NCAM1: variants seen among roughly 807,000 people sequenced by gnomAD.
NCAM1 encodes the protein antigen recognized by monoclonal antibody 5.1H11.
In NCAM1, 14 loss-of-function variants were observed where a neutral mutation model predicts 109.8. The ratio of observed to expected loss-of-function variants is 0.13; its 90% CI spans 0.08 to 0.20. The LOEUF is 0.20. NCAM1 is among the 10% of genes least tolerant of loss of function. The pLI, the probability that NCAM1 is intolerant of heterozygous loss-of-function variation, is 1.00. For missense variants in NCAM1, 774 were observed against 1,109.9 expected, an observed-to-expected ratio of 0.70 and a Z score of 4.30; for synonymous variants, 418 against 442.9, an observed-to-expected ratio of 0.94 and a Z score of 0.70.
intron 1 of NCAM1, among the ~76,000 whole-genome samples, chr11:113,143,626 A>G (rs1941910811): frequency 6.6e-6 from 1 of 152,232 alleles, no homozygotes; most frequent in African/African-American, 2.4e-5. Context: ...TAAATATGAT[A>G]TAAGTGACAG....
intron 15 of NCAM1, among the ~76,000 whole-genome samples, chr11:113,250,217 C>T (rs76569203): frequency 6.6e-5 from 10 of 152,288 alleles, no homozygotes; most frequent in Admixed American, 3.9e-4. Context: ...CGGGACTGTC[C>T]GAAAGTCACT....
At chr11:113,067,916 T>G (rs1938046542) in intron 1 of NCAM1, among the ~76,000 whole-genome samples, 1 of 149,726 alleles carries the variant, frequency 6.7e-6, no homozygotes, top group Admixed American at 6.7e-5. Context: ...GTTTTTTTTT[T>G]TTTTTTTTTT....
chr11:113,128,906 GGTGTGTGTGTGTGT>G (rs782123739), intron 1 of NCAM1, among the ~76,000 whole-genome samples: 14 of 84,932 alleles, frequency 1.6e-4, no homozygotes, highest in Admixed American at 7.2e-4. Flanking sequence ...AAGTTGTGAG[GGTGTGTGTGTGTGT>G]GTGTGTGTGT....
chr11:113,187,251 C>T (rs1239193305), intron 1 of NCAM1, among the ~76,000 whole-genome samples: 1 of 152,270 alleles, frequency 6.6e-6, no homozygotes, highest in Admixed American at 6.5e-5. Flanking sequence ...CAGTCTTCCT[C>T]GTGACATTAC....
At position 113,091,896 on chromosome 11, in the gene NCAM1, A is replaced by G. The variant is rs1227870156; in HGVS notation, c.53-110483A>G. On this transcript the variant is annotated intron_variant, in intron 1 of 19. Transcript: ENST00000316851. ...GAGAGTAAGATTAGAAGAGAAAGAA[A>G]CAGAGGCAAAAGGAACAAATACATC... Among the ~76,000 whole-genome samples the G allele has an allele frequency of 2.6e-5, 4 of 152,238 alleles. No homozygotes were observed. In the South Asian group the frequency reaches 8.3e-4, roughly 31 times the overall value.
At chr11:113,034,268 C>A (rs1456413848) in intron 1 of NCAM1, among the ~76,000 whole-genome samples, 1 of 148,764 alleles carries the variant, frequency 6.7e-6, no homozygotes, top group Admixed American at 6.6e-5. Flanking sequence ...TCCTTGAGGA[C>A]AATAGACTTT....
intron 8 of NCAM1, among the ~76,000 whole-genome samples, chr11:113,220,600 C>CTTTTTTTTTTTTTTGTTTTT (rs1336984958): frequency 9.8e-6 from 1 of 102,376 alleles, no homozygotes; most frequent in Non-Finnish European, 1.8e-5. Context: ...CTCTCTCTCT[C>CTTTTTTTTTTTTTTGTTTTT]TCTTTTTTTT....
rs1052571307 is a variant in NCAM1, at chr11:113,214,243, A to G, written c.917-126A>G. On this transcript the variant is annotated intron_variant, in intron 7 of 19. Transcript: ENST00000316851. ...TTGGAGAGTCAGGTCTGCATCTCCT[A>G]AAACACCTAGACTAGGGTCTTGTAC... 52 of 986,446 alleles carry G rather than the reference A, an allele frequency of 5.3e-5. No individual in the cohort carries two copies. The African/African-American group carries it at 7.4e-4, about 14-fold the overall frequency. 61.1% of individuals were successfully genotyped at this position (986,446 alleles called of 1,614,324 possible).
intron 1 of NCAM1, among the ~76,000 whole-genome samples, chr11:113,038,664 A>AT (rs2135406182): frequency 6.6e-6 from 1 of 152,322 alleles, no homozygotes; most frequent in South Asian, 2.1e-4. Flanking sequence ...TTGGGCCCAC[A>AT]TTTTGGGAGC....
rs373211850 is a variant in NCAM1, at chr11:113,057,115, C to G, written c.52+95451C>G. 2.0e-5 allele frequency among the ~76,000 whole-genome samples: 3 copies of G among 152,020 alleles called. No individual in the cohort carries two copies. In the East Asian group the frequency reaches 5.8e-4, roughly 29 times the overall value. On this transcript the variant is annotated intron_variant, in intron 1 of 19. Transcript: ENST00000316851. The stretch of plus-strand genomic sequence containing the variant: ...GAGTAGTCCAAGTATCTTACAGGAG[C>G]AAAGAGGCAGGGGACCTAACCCTTC...
chr11:113,121,240 T>TTTTTTTCAG (rs1940943301), intron 1 of NCAM1, among the ~76,000 whole-genome samples: 1 of 149,712 alleles, frequency 6.7e-6, no homozygotes, highest in Non-Finnish European at 1.5e-5. Context: ...TTTTTTTTTT[T>TTTTTTTCAG]GAGACAGTCT....
intron 1 of NCAM1, among the ~76,000 whole-genome samples, chr11:113,110,820 CAG>C (rs1940413180): frequency 6.6e-6 from 1 of 152,158 alleles, no homozygotes; most frequent in Admixed American, 6.5e-5. Flanking sequence ...CCTATAGAGG[CAG>C]AGAGTCCTTT....
chr11:113,042,129 A>T (rs1953100585), intron 1 of NCAM1, among the ~76,000 whole-genome samples: 1 of 152,120 alleles, frequency 6.6e-6, no homozygotes, highest in African/African-American at 2.4e-5. Flanking sequence ...TCTCCAGCAG[A>T]TCCCTGAGCC....
At chr11:113,204,653 C>G in intron 3 of NCAM1, 149 bp downstream of exon 3, 2 of 735,276 alleles carry the variant, frequency 2.7e-6, no homozygotes, top group Non-Finnish European at 4.4e-6. Context: ...TGACCTTGGC[C>G]AACCCAGAAC....
intron 1 of NCAM1, among the ~76,000 whole-genome samples, chr11:113,164,044 C>G (rs1036408910): frequency 1.3e-5 from 2 of 152,172 alleles, no homozygotes; most frequent in Non-Finnish European, 1.5e-5. Flanking sequence ...GAGCATCCTC[C>G]CTCCCCTTGT....
At chr11:113,198,889 A>T (rs1164359836) in intron 1 of NCAM1, among the ~76,000 whole-genome samples, 1 of 152,226 alleles carries the variant, frequency 6.6e-6, no homozygotes, top group Non-Finnish European at 1.5e-5. Flanking sequence ...ACGTTCATAC[A>T]GTGGAGACAA....
chr11:113,061,054 C>T (rs1220891789), intron 1 of NCAM1, among the ~76,000 whole-genome samples: 3 of 152,184 alleles, frequency 2.0e-5, no homozygotes, highest in Non-Finnish European at 4.4e-5. Flanking sequence ...CTTTAATCAA[C>T]ACCTCTCCAT....
intron 14 of NCAM1, chr11:113,242,661 C>A: frequency 1.5e-6 from 1 of 669,578 alleles, no homozygotes; most frequent in Non-Finnish European, 2.6e-6. Context: ...GAGAGAATAC[C>A]TCCTTCACCA....
intron 1 of NCAM1, among the ~76,000 whole-genome samples, chr11:112,986,282 C>A (rs1951302234): frequency 6.6e-6 from 1 of 151,882 alleles, no homozygotes; most frequent in African/African-American, 2.4e-5. Context: ...GGTGAGTTAT[C>A]CTTTTAATGT....
Sources: gnomAD v4.1 joint callset for allele counts (sites outside exome capture counted in the v4.1 genomes callset) on GRCh38, gnomAD v4.1.1 for gene constraint, MANE v1.5 for transcripts, NCBI Gene and HGNC (gene_info 2026-07-23, HGNC 2026-07-21) for gene names.